Variants in CFAP299 observed in about 807,000 individuals in gnomAD.
The protein encoded by CFAP299 is cilia and flagella associated protein 299, also known as cilia- and flagella-associated protein 299.
Under a neutral mutation model 27.0 loss-of-function variants are expected in CFAP299, and 21 were observed. The observed-to-expected ratio is 0.78, with a 90% CI of 0.55 to 1.12. The LOEUF is 1.12. Ranked by LOEUF, CFAP299 falls within the 50% of genes most tolerant of loss-of-function variation. CFAP299 has a pLI of 0.00. For missense variants in CFAP299, 310 were observed against 276.6 expected, an observed-to-expected ratio of 1.12 and a Z score of -0.86; for synonymous variants, 104 against 98.1, an observed-to-expected ratio of 1.06 and a Z score of -0.36.
intron 3 of CFAP299, among the ~76,000 whole-genome samples, chr4:80,635,818 A>T (rs951901278): frequency 2.6e-5 from 4 of 152,108 alleles, no homozygotes; most frequent in Non-Finnish European, 4.4e-5. Context: ...TTCAGTTAGT[A>T]TTCTAAAAAT....
chr4:80,688,063 G>C (rs148362303), intron 3 of CFAP299, among the ~76,000 whole-genome samples: 11,605 of 152,032 alleles, frequency 0.076, 637 homozygotes, highest in East Asian at 0.23. Flanking sequence ...TCGCTGATTG[G>C]TAGCACAGCA....
At chr4:80,504,494 TA>T (rs1560598349) in intron 2 of CFAP299, among the ~76,000 whole-genome samples, 64 of 132,394 alleles carry the variant, frequency 4.8e-4, no homozygotes, top group Non-Finnish European at 8.0e-4. Context: ...TATATATATA[TA>T]TATATATATA....
At chr4:80,357,008 C>T (rs1398681380) in intron 1 of CFAP299, among the ~76,000 whole-genome samples, 1 of 151,942 alleles carries the variant, frequency 6.6e-6, no homozygotes, top group Admixed American at 6.6e-5. Context: ...AAGGTATGTT[C>T]CTTCAATACC....
intron 3 of CFAP299, among the ~76,000 whole-genome samples, chr4:80,697,301 T>C (rs537768907): frequency 2.2e-4 from 34 of 152,326 alleles, no homozygotes; most frequent in African/African-American, 8.2e-4. Context: ...TATAAACCTA[T>C]CTTTAACCTA....
chr4:80,670,595 A>G (rs1470060247), intron 3 of CFAP299, among the ~76,000 whole-genome samples: 1 of 152,018 alleles, frequency 6.6e-6, no homozygotes, highest in African/African-American at 2.4e-5. Flanking sequence ...ACTAGTGTAC[A>G]CTCCTACCAA....
rs181237869 is a variant in CFAP299, at chr4:80,675,705, T to G, written c.333+92522T>G. ...GTAGTGGGCTGCACCCAGTTTGAGC[T>G]TCCCTATCCACTATGTTTACCCACT... On this transcript the variant is annotated intron_variant, in intron 3 of 5. Coordinates refer to ENST00000358105, the MANE Select transcript of CFAP299 (RefSeq NM_152770.3). Among the ~76,000 whole-genome samples, 364 of 151,934 alleles carry G rather than the reference T, an allele frequency of 2.4e-3. 1 individual carries two copies. The highest frequency in any genetic ancestry group is 8.4e-3 in the African/African-American group (346 of 41,422).
chr4:80,458,459 GA>G (rs1729275930), intron 2 of CFAP299, among the ~76,000 whole-genome samples: 1 of 152,042 alleles, frequency 6.6e-6, no homozygotes. Flanking sequence ...TCTTATTTCT[GA>G]AAAAATCTTT....
At chr4:80,328,469 T>C in the CFAP299 span, among the ~76,000 whole-genome samples, 8 of 142,632 alleles carry the variant, frequency 5.6e-5, no homozygotes, top group African/African-American at 1.6e-4. Flanking sequence ...GATTAATACC[T>C]AAGAACAAGT....
At chr4:80,749,624 C>T (rs985625248) in intron 3 of CFAP299, among the ~76,000 whole-genome samples, 4 of 152,162 alleles carry the variant, frequency 2.6e-5, no homozygotes, top group Non-Finnish European at 4.4e-5. Flanking sequence ...GAGCCACTGG[C>T]AAACCACTAA....
intron 3 of CFAP299, among the ~76,000 whole-genome samples, chr4:80,683,673 G>C (rs1207007429): frequency 1.3e-5 from 2 of 152,038 alleles, no homozygotes; most frequent in East Asian, 3.8e-4. Flanking sequence ...GCTAGTTTTT[G>C]AAAATAGGAA....
At chr4:80,834,049 C>A (rs1001882938) in intron 3 of CFAP299, among the ~76,000 whole-genome samples, 2 of 152,140 alleles carry the variant, frequency 1.3e-5, no homozygotes, top group Admixed American at 1.3e-4. Flanking sequence ...AAAATACTTG[C>A]AGTTTGCTAA....
intron 2 of CFAP299, among the ~76,000 whole-genome samples, chr4:80,550,951 G>C (rs1217932374): frequency 2.0e-5 from 3 of 151,964 alleles, no homozygotes; most frequent in Non-Finnish European, 4.4e-5. Flanking sequence ...TTAGCAGAAA[G>C]CTGATAAAGA....
chr4:80,544,763 T>C (rs2110202540), intron 2 of CFAP299, among the ~76,000 whole-genome samples: 1 of 152,292 alleles, frequency 6.6e-6, no homozygotes, highest in East Asian at 1.9e-4. Context: ...CACACAATAA[T>C]GTTGGAGGAC....
intron 2 of CFAP299, among the ~76,000 whole-genome samples, chr4:80,471,822 C>G (rs1268894482): frequency 6.6e-6 from 1 of 152,148 alleles, no homozygotes; most frequent in African/African-American, 2.4e-5. Context: ...TCTGTAACTG[C>G]GAGATGGGAG....
At chr4:80,391,940 T>C (rs1053316428) in intron 2 of CFAP299, among the ~76,000 whole-genome samples, 1 of 152,224 alleles carries the variant, frequency 6.6e-6, no homozygotes, top group Non-Finnish European at 1.5e-5. Flanking sequence ...GGAGCCCATC[T>C]CTTGCATCAG....
At chr4:80,595,948 A>G (rs781664627) in intron 3 of CFAP299, among the ~76,000 whole-genome samples, 5 of 152,162 alleles carry the variant, frequency 3.3e-5, no homozygotes, top group Non-Finnish European at 7.3e-5. Context: ...TAGCACTCTT[A>G]TATCTGACCC....
rs534692682 is a variant in CFAP299, at chr4:80,748,229, C to CT, written c.334-121763dup. 1.6e-3 allele frequency among the ~76,000 whole-genome samples: 238 copies of CT among 152,198 alleles called. 2 individuals are homozygous for CT. The highest frequency in any genetic ancestry group is 3.4e-3 in the Middle Eastern group (1 of 294). ...GACTATATTTGTCTTGTTCAAGACT[C>CT]TAAGTTATCGACAGATTGATAAATA... On this transcript the variant is annotated intron_variant, in intron 3 of 5. Coordinates refer to ENST00000358105, the MANE Select transcript of CFAP299 (RefSeq NM_152770.3).
chr4:80,844,361 G>C (rs1191465241), intron 3 of CFAP299, among the ~76,000 whole-genome samples: 1 of 152,162 alleles, frequency 6.6e-6, no homozygotes, highest in Non-Finnish European at 1.5e-5. Context: ...CTAGTTTACA[G>C]TCCCACCAAT....
intron 3 of CFAP299, among the ~76,000 whole-genome samples, chr4:80,671,289 C>T (rs1163045009): frequency 6.6e-6 from 1 of 152,132 alleles, no homozygotes; most frequent in Non-Finnish European, 1.5e-5. Context: ...TGTCAAAGAT[C>T]AAATGGTTGT....
Sources: gnomAD v4.1 joint callset for allele counts (sites outside exome capture counted in the v4.1 genomes callset) on GRCh38, gnomAD v4.1.1 for gene constraint, MANE v1.5 for transcripts, NCBI Gene and HGNC (gene_info 2026-07-23, HGNC 2026-07-21) for gene names.